Variants in SERPINE2 observed in about 807,000 individuals in gnomAD.
The protein encoded by SERPINE2 is serpin family E member 2.
A neutral mutation model predicts 36.3 loss-of-function variants in SERPINE2; 14 were observed. That is an observed-to-expected ratio of 0.39 (90% CI 0.25 to 0.60). The LOEUF (loss-of-function observed/expected upper bound fraction) is 0.60, where lower values mean the gene tolerates loss of function less well. SERPINE2 is among the 20% of genes least tolerant of loss of function. The pLI, the probability that SERPINE2 is intolerant of heterozygous loss-of-function variation, is 0.57. For synonymous variants in SERPINE2, 192 were observed against 191.8 expected, an observed-to-expected ratio of 1.00 and a Z score of -0.01; for missense variants, 418 against 499.6, an observed-to-expected ratio of 0.84 and a Z score of 1.56.
intron 5 of SERPINE2, 72 bp from the exon 6 acceptor site, chr2:223,982,853 T>C (rs1274421811): frequency 9.7e-7 from 1 of 1,029,376 alleles, no homozygotes; most frequent in Non-Finnish European, 1.5e-6. Context: ...TCGGTGCATG[T>C]TTACAAACTG....
intron 8 of SERPINE2, 82 bp downstream of exon 8, chr2:223,977,462 C>T (rs971484853): frequency 3.4e-6 from 3 of 871,090 alleles, no homozygotes; most frequent in Admixed American, 1.7e-5. Context: ...CTATGGGCAC[C>T]ACTGTTGGAT....
intron 6 of SERPINE2, chr2:223,981,914 T>C (rs1284836096): frequency 6.6e-6 from 1 of 152,188 alleles, no homozygotes; most frequent in Non-Finnish European, 1.5e-5. Context: ...GTCTTGACTT[T>C]TTTTCAAGCA....
chr2:224,002,633 C>T (rs1258508386), intron 1 of SERPINE2, among the ~76,000 whole-genome samples: 3 of 149,022 alleles, frequency 2.0e-5, no homozygotes, highest in Non-Finnish European at 4.4e-5. Context: ...TGTGGGATTA[C>T]AAGTGTGCGC....
At chr2:224,001,978 T>C (rs570794746) in intron 1 of SERPINE2, 56 bp from the exon 2 acceptor site, 15 of 247,274 alleles carry the variant, frequency 6.1e-5, no homozygotes, top group Admixed American at 9.3e-5. Flanking sequence ...ACTTTACTAC[T>C]TTTTTTTTTT....
intron 1 of SERPINE2, chr2:224,031,433 C>T: frequency 3.0e-6 from 3 of 985,648 alleles, no homozygotes; most frequent in Non-Finnish European, 2.4e-6. Flanking sequence ...TGGGGAACGC[C>T]AGGCAGCACG....
At chr2:224,017,848 C>A (rs1247803966) in intron 1 of SERPINE2, among the ~76,000 whole-genome samples, 1 of 152,220 alleles carries the variant, frequency 6.6e-6, no homozygotes, top group African/African-American at 2.4e-5. Context: ...GGCCTGGGGT[C>A]CTCTCTTCAG....
chr2:223,982,949 C>A (rs1047704889), intron 5 of SERPINE2, among the ~76,000 whole-genome samples, 168 bp from the exon 6 acceptor site: 2 of 152,192 alleles, frequency 1.3e-5, no homozygotes, highest in Non-Finnish European at 2.9e-5. Context: ...AAGTAAAGGA[C>A]AACTCCTCTC....
chr2:224,008,613 T>G (rs887585810), intron 1 of SERPINE2, among the ~76,000 whole-genome samples: 2 of 152,226 alleles, frequency 1.3e-5, no homozygotes, highest in African/African-American at 4.8e-5. Context: ...CTTGTTAGCC[T>G]CCTTGCTTTC....
rs563332586 is a variant in SERPINE2 at position 224,028,455 on chromosome 2, T to C, written c.-23+10644A>G. Among the ~76,000 whole-genome samples, 4 of 152,348 alleles carry C rather than the reference T, an allele frequency of 2.6e-5. No individual in the cohort carries two copies. The South Asian group carries it at 6.2e-4, about 24-fold the overall frequency. Reference sequence around the variant, plus strand: ...TCTAAACTCATCCTCTGCCCAGCAATGCTCTGACCTTCAATCTGTGAGGCC... The same window carrying C: ...TCTAAACTCATCCTCTGCCCAGCAACGCTCTGACCTTCAATCTGTGAGGCC... On this transcript the variant is annotated intron_variant, in intron 1 of 8. Transcript: ENST00000409304.
At chr2:224,014,916 T>G (rs1395985302) in intron 1 of SERPINE2, among the ~76,000 whole-genome samples, 1 of 152,138 alleles carries the variant, frequency 6.6e-6, no homozygotes, top group Non-Finnish European at 1.5e-5. Context: ...CCTCTCAGAG[T>G]CTCAAGGCAT....
At chr2:224,007,812 G>C (rs1691482260) in intron 1 of SERPINE2, among the ~76,000 whole-genome samples, 1 of 152,162 alleles carries the variant, frequency 6.6e-6, no homozygotes, top group African/African-American at 2.4e-5. Context: ...TTGCCCTGTA[G>C]AGTTTCCCCA....
intron 1 of SERPINE2, among the ~76,000 whole-genome samples, chr2:224,023,781 CA>C (rs1456019330): frequency 6.6e-6 from 1 of 152,200 alleles, no homozygotes; most frequent in Non-Finnish European, 1.5e-5. Flanking sequence ...TTGGCACCCA[CA>C]AAAGTAATCC....
chr2:224,011,689 C>A (rs568331594), intron 1 of SERPINE2, among the ~76,000 whole-genome samples: 1 of 152,096 alleles, frequency 6.6e-6, no homozygotes, highest in Non-Finnish European at 1.5e-5. Context: ...ATCCCTAGTA[C>A]GCATAAATAA....
At chr2:224,009,066 A>G (rs1259625785) in intron 1 of SERPINE2, among the ~76,000 whole-genome samples, 1 of 152,218 alleles carries the variant, frequency 6.6e-6, no homozygotes, top group Non-Finnish European at 1.5e-5. Context: ...CTCGTGTGAC[A>G]GCAGCGAGCC....
At chr2:224,019,772 A>ATTTTTT (rs1256258125) in intron 1 of SERPINE2, among the ~76,000 whole-genome samples, 95 of 100,732 alleles carry the variant, frequency 9.4e-4, no homozygotes, top group African/African-American at 3.5e-3. Flanking sequence ...TTTTAAAAAA[A>ATTTTTT]AAAAAAGAAT....
In SERPINE2 at chr2:224,001,559, G is replaced by A; in HGVS notation, c.259+83C>T. The stretch of plus-strand genomic sequence containing the variant: ...TCTGGCTGCTCTGCTTCTTGGGGTT[G>A]TCAGCAAAAACCAAGCCATAAACCC... On this transcript the variant is annotated intron_variant, in intron 2 of 8. Coordinates refer to ENST00000409304, the MANE Select transcript of SERPINE2 (RefSeq NM_001136528.2). 4 of 1,495,172 alleles carry A rather than the reference G, an allele frequency of 2.7e-6. No individual in the cohort carries two copies. The South Asian group carries it at 5.2e-5, about 19-fold the overall frequency. 92.6% of individuals were successfully genotyped at this position (1,495,172 alleles called of 1,614,324 possible). A position where few individuals can be genotyped will look rare whatever the true frequency, so the allele number is the denominator to read the frequency against.
At chr2:224,035,750 T>G (rs1384488535) in intron 1 of SERPINE2, among the ~76,000 whole-genome samples, 1 of 152,208 alleles carries the variant, frequency 6.6e-6, no homozygotes, top group Admixed American at 6.5e-5. Flanking sequence ...TCAAGTTGTA[T>G]ATACTTTGTT....
intron 1 of SERPINE2, among the ~76,000 whole-genome samples, chr2:224,023,840 C>T (rs16865497): frequency 0.014 from 2,144 of 152,330 alleles, 62 homozygotes; most frequent in African/African-American, 0.05. Flanking sequence ...TCCATTCTGG[C>T]TCTTGTAATC....
intron 1 of SERPINE2, among the ~76,000 whole-genome samples, chr2:224,021,456 G>A (rs1164594916): frequency 3.3e-5 from 5 of 152,206 alleles, no homozygotes; most frequent in African/African-American, 1.2e-4. Flanking sequence ...CTGACCTTAA[G>A]AGCCTGCAGA....
Sources: gnomAD v4.1 joint callset for allele counts (sites outside exome capture counted in the v4.1 genomes callset) on GRCh38, gnomAD v4.1.1 for gene constraint, MANE v1.5 for transcripts, NCBI Gene and HGNC (gene_info 2026-07-23, HGNC 2026-07-21) for gene names.